The following NELL2 variants were observed in gnomAD, a reference collection of about 807,000 sequenced individuals.
NELL2 encodes protein kinase C-binding protein NELL2.
A neutral mutation model predicts 109.6 loss-of-function variants in NELL2; 41 were observed. That is an observed-to-expected ratio of 0.37 (90% CI 0.29 to 0.49). The LOEUF is 0.49. Among genes scored for constraint, NELL2 ranks in the 20% least tolerant of loss-of-function variants. The probability of loss-of-function intolerance (pLI) is 0.98; values close to 1 mark genes in which losing one functional copy is unlikely to be tolerated. For missense variants in NELL2, 900 were observed against 1,008.3 expected (o/e 0.89, Z 1.45); for synonymous variants, 355 against 344.7 (o/e 1.03, Z -0.33).
At chr12:44,780,367 T>C (rs958264644) in intron 3 of NELL2, among the ~76,000 whole-genome samples, 2 of 151,854 alleles carry the variant, frequency 1.3e-5, no homozygotes, top group Admixed American at 6.6e-5. Flanking sequence ...AAAGAAAGGA[T>C]CAGTCTAGCA....
upstream of NELL2, among the ~76,000 whole-genome samples, chr12:44,877,502 C>A (rs1313188376): frequency 2.0e-5 from 3 of 152,180 alleles, no homozygotes; most frequent in Admixed American, 6.5e-5. Flanking sequence ...ACCTTCCATG[C>A]AAACATGTGG....
chr12:44,908,739 G>A (rs953086164), intron 1 of NELL2, among the ~76,000 whole-genome samples: 7 of 151,986 alleles, frequency 4.6e-5, no homozygotes, highest in African/African-American at 1.7e-4. Context: ...ACTTTGTGCT[G>A]TTACAGACAC....
At chr12:44,888,363 G>T (rs1348532411) in intron 1 of NELL2, among the ~76,000 whole-genome samples, 2 of 145,700 alleles carry the variant, frequency 1.4e-5, no homozygotes, top group African/African-American at 5.0e-5. Flanking sequence ...ATCTAATTCT[G>T]TGATGAATGA....
chr12:44,869,710 G>T (rs1301980274), intron 2 of NELL2, among the ~76,000 whole-genome samples: 1 of 152,146 alleles, frequency 6.6e-6, no homozygotes, highest in African/African-American at 2.4e-5. Context: ...AGCCCTCAAT[G>T]TAACTGAATA....
At chr12:44,587,963 A>T (rs1218537478) in intron 15 of NELL2, among the ~76,000 whole-genome samples, 1 of 152,132 alleles carries the variant, frequency 6.6e-6, no homozygotes, top group Non-Finnish European at 1.5e-5. Flanking sequence ...CATCCTGGCT[A>T]ACATGGTGAA....
At chr12:44,520,477 C>G (rs1156509060) in intron 18 of NELL2, among the ~76,000 whole-genome samples, 1 of 152,060 alleles carries the variant, frequency 6.6e-6, no homozygotes, top group Non-Finnish European at 1.5e-5. Context: ...ACCAATAAAA[C>G]AAAAGCAAAA....
intron 15 of NELL2, among the ~76,000 whole-genome samples, chr12:44,604,694 TA>T (rs1372979305): frequency 6.6e-6 from 1 of 151,946 alleles, no homozygotes; most frequent in African/African-American, 2.4e-5. Context: ...TAAAGCTGGG[TA>T]GATATGCAGG....
At chr12:44,905,248 T>C (rs895203067) in intron 1 of NELL2, among the ~76,000 whole-genome samples, 39 of 152,012 alleles carry the variant, frequency 2.6e-4, no homozygotes, top group African/African-American at 9.4e-4. Flanking sequence ...TATAATTTCC[T>C]GTATTTTCTT....
chr12:44,829,451 A>C (rs1490878146), intron 2 of NELL2, among the ~76,000 whole-genome samples: 1 of 152,214 alleles, frequency 6.6e-6, no homozygotes, highest in Non-Finnish European at 1.5e-5. Flanking sequence ...TTTTCAGCTA[A>C]TATCATTAAC....
intron 9 of NELL2, among the ~76,000 whole-genome samples, chr12:44,759,562 C>T (rs1941035823): frequency 6.6e-6 from 1 of 152,084 alleles, no homozygotes; most frequent in Admixed American, 6.6e-5. Flanking sequence ...ACAAGCAAGC[C>T]CAGCATGATT....
chr12:44,745,251 A>AC (rs201576207), intron 9 of NELL2, among the ~76,000 whole-genome samples: 8,125 of 152,116 alleles, frequency 0.053, 677 homozygotes, highest in African/African-American at 0.18. Flanking sequence ...AAATTCAACA[A>AC]CCTTCATGCT....
intron 15 of NELL2, among the ~76,000 whole-genome samples, chr12:44,581,265 G>A (rs927062406): frequency 3.3e-5 from 5 of 152,076 alleles, no homozygotes; most frequent in Non-Finnish European, 7.4e-5. Context: ...AGTAGTCAGA[G>A]CTCTACATCT....
At chr12:44,689,525 C>T (rs1318352794) in intron 12 of NELL2, among the ~76,000 whole-genome samples, 2 of 152,160 alleles carry the variant, frequency 1.3e-5, no homozygotes, top group African/African-American at 4.8e-5. Flanking sequence ...ACCCACAGGG[C>T]CAGGCAGCCC....
chr12:44,682,818 G>A (rs1266969529), intron 12 of NELL2, among the ~76,000 whole-genome samples: 3 of 152,160 alleles, frequency 2.0e-5, no homozygotes, highest in African/African-American at 4.8e-5. Flanking sequence ...TTTGGTTACT[G>A]CAGCCTTGTA....
chr12:44,911,502 C>T (rs985020319), intron 1 of NELL2, among the ~76,000 whole-genome samples: 9 of 151,610 alleles, frequency 5.9e-5, no homozygotes, highest in Non-Finnish European at 1.3e-4. Flanking sequence ...TAAAGCACTA[C>T]AAAAATTAAG....
At chr12:44,701,499 A>C (rs1023868650) in intron 12 of NELL2, among the ~76,000 whole-genome samples, 1 of 152,086 alleles carries the variant, frequency 6.6e-6, no homozygotes. Flanking sequence ...GCCAATTTTC[A>C]GTAAGCTGCA....
At chr12:44,690,876 C>T (rs1655782563) in intron 12 of NELL2, among the ~76,000 whole-genome samples, 2 of 152,152 alleles carry the variant, frequency 1.3e-5, no homozygotes, top group South Asian at 4.1e-4. Flanking sequence ...ACCTATAGAT[C>T]CACCTCAGAA....
intron 12 of NELL2, among the ~76,000 whole-genome samples, chr12:44,672,531 T>TACC (rs1290197847): frequency 1.9e-4 from 29 of 152,332 alleles, no homozygotes; most frequent in Non-Finnish European, 3.2e-4. Context: ...TGGGGACTAC[T>TACC]ACCATAGATG....
At chr12:44,824,811 C>T (rs1362765984) in intron 2 of NELL2, among the ~76,000 whole-genome samples, 5 of 150,778 alleles carry the variant, frequency 3.3e-5, no homozygotes, top group Non-Finnish European at 5.9e-5. Flanking sequence ...CCCGGGTTCA[C>T]GCCATTCTCC....
Sources: allele counts gnomAD v4.1 joint callset (sites outside exome capture counted in the v4.1 genomes callset), GRCh38; gene constraint gnomAD v4.1.1; transcripts MANE v1.5; gene names NCBI Gene and HGNC (gene_info 2026-07-23, HGNC 2026-07-21).